AGAP1: variants seen among roughly 807,000 people sequenced by gnomAD.
AGAP1 encodes arf-GAP with GTPase, ANK repeat and PH domain-containing protein 1.
AGAP1 carries 29 observed loss-of-function variants against 105.3 expected under a neutral mutation model. The observed-to-expected ratio is 0.28, with a 90% CI of 0.21 to 0.38. The LOEUF is 0.38. Among genes scored for constraint, AGAP1 ranks in the 10% least tolerant of loss-of-function variants. The pLI, the probability that AGAP1 is intolerant of heterozygous loss-of-function variation, is 1.00. For synonymous variants in AGAP1, 509 were observed against 485.9 expected, an observed-to-expected ratio of 1.05 and a Z score of -0.63; for missense variants, 998 against 1,165.1, an observed-to-expected ratio of 0.86 and a Z score of 2.09.
rs896087577 is a variant in AGAP1, at chr2:235,930,885, G to T, written c.1445G>T (p.Ser482Ile). 3 of 1,614,148 alleles carry T rather than the reference G, an allele frequency of 1.9e-6. No individual in the cohort carries two copies. Among genetic ancestry groups the T allele is most frequent in the Non-Finnish European group, 2.5e-6 (3 of 1,180,030 alleles). Reference sequence around the variant, plus strand: ...TCAGTCTCCAGTGCCGACCAGTGGAGTGAGGCTACGGTCATTGCAAACTCG... The same window carrying T: ...TCAGTCTCCAGTGCCGACCAGTGGATTGAGGCTACGGTCATTGCAAACTCG... Reference protein sequence around the residue: ...SYSVSSADQWSEATVIANSAI... With the variant: ...SYSVSSADQWIEATVIANSAI... Residue 482 changes from serine (S) to isoleucine (I), a missense_variant, in exon 12 of 18, where the codon AGT becomes ATT. Ser to Ile is a moderately radical substitution (Grantham distance 142). Around this residue, in one of 3 missense-constraint regions of AGAP1, gnomAD observed 735 missense variants for 833.4 expected, o/e 0.88. Transcript: ENST00000304032. The surrounding 1 kb of genome is among the most constrained non-coding windows in gnomAD (Gnocchi z 7.9).
intron 12 of AGAP1, among the ~76,000 whole-genome samples, chr2:235,932,654 T>A (rs2052777827): frequency 6.6e-6 from 1 of 152,212 alleles, no homozygotes; most frequent in African/African-American, 2.4e-5. Context: ...TACAGGTGTT[T>A]AAGTATTCAT....
chr2:235,969,287 G>C (rs2054538496), intron 13 of AGAP1, among the ~76,000 whole-genome samples: 3 of 151,760 alleles, frequency 2.0e-5, no homozygotes, highest in Admixed American at 6.6e-5. Context: ...GATGCAAGTA[G>C]AGATAGGTAA....
Position 235,883,330 on chromosome 2 carries a change from C to T in AGAP1, c.1051-15C>T, listed in dbSNP as rs1355385794. The T allele has an allele frequency of 1.9e-6, 3 of 1,610,288 alleles. No individual in the cohort carries two copies. The highest frequency in any genetic ancestry group is 1.7e-5 in the Admixed American group (1 of 59,242). On this transcript the variant is annotated splice_polypyrimidine_tract_variant and intron_variant, in intron 9 of 17. Coordinates refer to ENST00000304032, the MANE Select transcript of AGAP1 (RefSeq NM_001037131.3). The surrounding 1 kb of genome is among the most constrained non-coding windows in gnomAD (Gnocchi z 4.5). ...TTTACATTAGAATTTCTATTTGGCT[C>T]TTTTTCCCTTGTAGGGCATGCTGTT...
chr2:235,529,076 C>T (rs528003273), intron 1 of AGAP1, among the ~76,000 whole-genome samples: 27 of 152,344 alleles, frequency 1.8e-4, no homozygotes, highest in Non-Finnish European at 1.8e-4. Flanking sequence ...ACACCACGTC[C>T]CCTTGCCTGA....
At chr2:236,093,119 C>T (rs1245147383) in intron 16 of AGAP1, among the ~76,000 whole-genome samples, 2 of 152,212 alleles carry the variant, frequency 1.3e-5, no homozygotes, top group Non-Finnish European at 2.9e-5. Flanking sequence ...GATGAGGGAA[C>T]TGGAAAATCT....
chr2:236,068,011 C>A (rs1235901855), intron 16 of AGAP1, among the ~76,000 whole-genome samples: 1 of 152,210 alleles, frequency 6.6e-6, no homozygotes, highest in African/African-American at 2.4e-5. Context: ...GTGGCTCACA[C>A]CTGTAATCCC....
At chr2:235,568,541 C>T (rs2149156580) in intron 1 of AGAP1, among the ~76,000 whole-genome samples, 1 of 152,274 alleles carries the variant, frequency 6.6e-6, no homozygotes, top group Middle Eastern at 3.4e-3. Flanking sequence ...GAACCGAGAC[C>T]CAGACGGCAG....
intron 12 of AGAP1, among the ~76,000 whole-genome samples, chr2:235,950,835 A>G (rs949615931): frequency 6.6e-6 from 1 of 151,234 alleles, no homozygotes; most frequent in African/African-American, 2.4e-5. Flanking sequence ...TTTTAGCTTG[A>G]TAAAGGAAAT....
chr2:236,059,174 A>AAG (rs1332007013), intron 16 of AGAP1, among the ~76,000 whole-genome samples: 1 of 152,130 alleles, frequency 6.6e-6, no homozygotes, highest in African/African-American at 2.4e-5. Flanking sequence ...AAAAAAAAAA[A>AAG]ATTCTATTGT....
intron 12 of AGAP1, among the ~76,000 whole-genome samples, chr2:235,954,588 T>G (rs1410352896): frequency 1.3e-5 from 2 of 150,154 alleles, no homozygotes; most frequent in Non-Finnish European, 3.0e-5. Context: ...TGAATGATAA[T>G]TGTCTGGAAA....
intron 12 of AGAP1, among the ~76,000 whole-genome samples, chr2:235,952,705 CATATCTGTAA>C (rs1291803300): frequency 1.3e-5 from 2 of 152,136 alleles, no homozygotes; most frequent in African/African-American, 4.8e-5. Flanking sequence ...AGTTGTTGAT[CATATCTGTAA>C]ATATCTGGAG....
At chr2:235,524,525 A>G in intron 1 of AGAP1, 2 of 341,318 alleles carry the variant, frequency 5.9e-6, no homozygotes, top group African/African-American at 2.2e-5. Flanking sequence ...ACGGGGCTGC[A>G]CCCAGCCCCC....
intron 1 of AGAP1, among the ~76,000 whole-genome samples, chr2:235,706,198 A>T (rs143524758): frequency 6.6e-6 from 1 of 152,128 alleles, no homozygotes; most frequent in African/African-American, 2.4e-5. Context: ...GCATATGCAT[A>T]TTTATTTTGT....
rs986085331 is a variant in AGAP1, at chr2:236,045,013, C to T, written c.1892-4046C>T. 2.0e-5 allele frequency among the ~76,000 whole-genome samples: 3 copies of T among 152,120 alleles called. No homozygotes were observed. Among genetic ancestry groups the T allele is most frequent in the Admixed American group, 1.3e-4 (2 of 15,282 alleles). On this transcript the variant is annotated intron_variant, in intron 15 of 17. Transcript: ENST00000304032. The surrounding 1 kb of genome is among the most constrained non-coding windows in gnomAD (Gnocchi z 6.9). Reference sequence around the variant, plus strand: ...CACTGCAGCCTTGAACTCTTAGGCTCCAGCAATCCTCCCACCTCAGACTCC... The same window carrying T: ...CACTGCAGCCTTGAACTCTTAGGCTTCAGCAATCCTCCCACCTCAGACTCC...
chr2:235,767,224 A>T (rs1955034504), intron 6 of AGAP1, among the ~76,000 whole-genome samples: 1 of 152,042 alleles, frequency 6.6e-6, no homozygotes, highest in Non-Finnish European at 1.5e-5. Flanking sequence ...ATACTTCTTT[A>T]TAGAGTATAA....
intron 9 of AGAP1, among the ~76,000 whole-genome samples, chr2:235,871,174 G>C (rs2106562014): frequency 6.6e-6 from 1 of 152,356 alleles, no homozygotes; most frequent in Admixed American, 6.5e-5. Context: ...TCTGATGCCA[G>C]TTCTTACTCA....
intron 1 of AGAP1, among the ~76,000 whole-genome samples, chr2:235,567,550 T>C (rs915055885): frequency 1.3e-5 from 2 of 152,178 alleles, no homozygotes; most frequent in African/African-American, 4.8e-5. Flanking sequence ...GGGAGCTGTC[T>C]TTTCATGGGT....
At chr2:236,107,725 A>C (rs554696394) in intron 16 of AGAP1, among the ~76,000 whole-genome samples, 3 of 152,286 alleles carry the variant, frequency 2.0e-5, no homozygotes, top group African/African-American at 4.8e-5. Context: ...GCAGTGCAGA[A>C]TCAGGAAAAC....
chr2:236,044,241 C>G lies in AGAP1; in HGVS notation c.1891+3400C>G, dbSNP rs2057649058. On this transcript the variant is annotated intron_variant, in intron 15 of 17. Transcript: ENST00000304032. The surrounding 1 kb of genome is among the most constrained non-coding windows in gnomAD (Gnocchi z 5.7). ...CAGCATGGCCCAACCCAGCATGTCC[C>G]AGGCCCATCGGACAGTGGGGCCTTT... is the stretch of plus-strand genomic sequence containing the variant. Among the ~76,000 whole-genome samples the G allele has an allele frequency of 6.6e-6, 1 of 152,188 alleles. No homozygotes were observed. The highest frequency in any genetic ancestry group is 1.5e-5 in the Non-Finnish European group (1 of 68,026).
Sources: gnomAD v4.1 joint callset for allele counts (sites outside exome capture counted in the v4.1 genomes callset) on GRCh38, gnomAD v4.1.1 for gene constraint, gnomAD v4.1.1 regional missense constraint, Gnocchi (gnomAD v3.1) non-coding constraint, MANE v1.5 for transcripts, NCBI Gene and HGNC (gene_info 2026-07-23, HGNC 2026-07-21) for gene names.